The following SLC8A1 variants were observed in gnomAD, a reference collection of about 807,000 sequenced individuals.
The protein encoded by SLC8A1 is solute carrier family 8 member A1.
Under a neutral mutation model 68.3 loss-of-function variants are expected in SLC8A1, and 18 were observed. That is an observed-to-expected ratio of 0.26 (90% confidence interval 0.18 to 0.39). The LOEUF (loss-of-function observed/expected upper bound fraction) is 0.39, where lower values mean the gene tolerates loss of function less well. SLC8A1 is among the 10% of genes least tolerant of loss of function. The pLI, the probability that SLC8A1 is intolerant of heterozygous loss-of-function variation, is 1.00. For synonymous variants in SLC8A1, 475 were observed against 415.5 expected, an observed-to-expected ratio of 1.14 and a Z score of -1.74; for missense variants, 985 against 1,156.7, an observed-to-expected ratio of 0.85 and a Z score of 2.15.
At chr2:40,401,128 A>G (rs1222017324) in intron 2 of SLC8A1, among the ~76,000 whole-genome samples, 2 of 152,180 alleles carry the variant, frequency 1.3e-5, no homozygotes, top group African/African-American at 2.4e-5. Context: ...TAAGGGAAAA[A>G]CCTGATTGCA....
intron 1 of SLC8A1, among the ~76,000 whole-genome samples, chr2:40,475,765 T>G (rs1704264920): frequency 1.3e-5 from 2 of 152,006 alleles, no homozygotes; most frequent in South Asian, 4.1e-4. Flanking sequence ...AAATCACACT[T>G]TTGAGAACTT....
intron 2 of SLC8A1, among the ~76,000 whole-genome samples, chr2:40,246,643 G>T (rs937256550): frequency 1.3e-5 from 2 of 152,154 alleles, no homozygotes; most frequent in African/African-American, 4.8e-5. Flanking sequence ...CCTCCAAACA[G>T]ACCTTTCATA....
intron 2 of SLC8A1, among the ~76,000 whole-genome samples, chr2:40,308,393 T>C (rs2073057989): frequency 6.6e-6 from 1 of 152,102 alleles, no homozygotes; most frequent in African/African-American, 2.4e-5. Flanking sequence ...TCAGATCTGA[T>C]TCGAGGGACA....
intron 2 of SLC8A1, among the ~76,000 whole-genome samples, chr2:40,312,637 C>G (rs1310009157): frequency 6.6e-6 from 1 of 152,036 alleles, no homozygotes; most frequent in Non-Finnish European, 1.5e-5. Flanking sequence ...GGATGGACTT[C>G]TGATTCTAAA....
intron 2 of SLC8A1, among the ~76,000 whole-genome samples, chr2:40,381,991 C>T (rs112255416): frequency 6.6e-5 from 10 of 152,122 alleles, no homozygotes; most frequent in Admixed American, 3.9e-4. Context: ...CCTATCTCCT[C>T]GGCTGCAGCA....
chr2:40,275,776 AGGCAGGGCACAAG>A (rs1178698737), intron 2 of SLC8A1, among the ~76,000 whole-genome samples: 3 of 152,196 alleles, frequency 2.0e-5, no homozygotes, highest in Admixed American at 2.0e-4. Context: ...TACTATAATG[AGGCAGGGCACAAG>A]GCAGCACTGA....
chr2:40,407,252 G>A (rs1456548699), intron 2 of SLC8A1, among the ~76,000 whole-genome samples: 1 of 152,164 alleles, frequency 6.6e-6, no homozygotes, highest in Non-Finnish European at 1.5e-5. Context: ...TTTTAGTAGA[G>A]ACAGGGTTTC....
At chr2:40,284,444 T>A (rs1262154824) in intron 2 of SLC8A1, among the ~76,000 whole-genome samples, 5 of 147,196 alleles carry the variant, frequency 3.4e-5, no homozygotes, top group Non-Finnish European at 7.5e-5. Context: ...TATCTATATA[T>A]AAATGTATAT....
At chr2:40,179,828 C>T (rs2049123466) in intron 2 of SLC8A1, among the ~76,000 whole-genome samples, 1 of 152,168 alleles carries the variant, frequency 6.6e-6, no homozygotes. Context: ...GTAGAAGATG[C>T]TTTTAATTCT....
intron 2 of SLC8A1, among the ~76,000 whole-genome samples, chr2:40,417,591 C>T (rs1694257880): frequency 1.3e-5 from 2 of 152,228 alleles, no homozygotes; most frequent in South Asian, 4.2e-4. Flanking sequence ...TCACTGCAAC[C>T]TAGACCTCTC....
At chr2:40,331,143 T>C (rs1208683533) in intron 2 of SLC8A1, among the ~76,000 whole-genome samples, 3 of 152,166 alleles carry the variant, frequency 2.0e-5, no homozygotes, top group Non-Finnish European at 2.9e-5. Context: ...TTATCTATGG[T>C]ATGAGATTGT....
At chr2:40,358,321 G>T (rs1296495294) in intron 2 of SLC8A1, among the ~76,000 whole-genome samples, 1 of 150,100 alleles carries the variant, frequency 6.7e-6, no homozygotes, top group Non-Finnish European at 1.5e-5. Context: ...GTTTAAATAT[G>T]TTCTAAAAAA....
At chr2:40,390,662 A>G (rs563649122) in intron 2 of SLC8A1, among the ~76,000 whole-genome samples, 5 of 152,196 alleles carry the variant, frequency 3.3e-5, no homozygotes, top group East Asian at 1.9e-4. Flanking sequence ...TGCTGTTGAA[A>G]TGTGCCATTT....
At chr2:40,204,652 T>C (rs889100940) in intron 2 of SLC8A1, among the ~76,000 whole-genome samples, 7 of 152,102 alleles carry the variant, frequency 4.6e-5, no homozygotes, top group East Asian at 3.9e-4. Flanking sequence ...TTACTTTGAA[T>C]AGGTCAGACA....
At position 40,501,817 on chromosome 2, in the gene SLC8A1, C is replaced by T. The variant is rs537627486; in HGVS notation, c.-25+10532G>A. Among the ~76,000 whole-genome samples, 32 of 152,154 alleles carry T rather than the reference C, an allele frequency of 2.1e-4. No homozygotes were observed. In the South Asian group the frequency reaches 6.0e-3, roughly 29 times the overall value. On this transcript the variant is annotated intron_variant, in intron 1 of 7. Transcript: ENST00000402441. Reference sequence around the variant, plus strand: ...TATGTGGGACCTGACAAAAGCTTTACAACAAGAATATGTCATCTCCCTGTG... The same window carrying T: ...TATGTGGGACCTGACAAAAGCTTTATAACAAGAATATGTCATCTCCCTGTG...
chr2:40,425,867 C>T (rs1032988038), intron 2 of SLC8A1, among the ~76,000 whole-genome samples: 1 of 151,934 alleles, frequency 6.6e-6, no homozygotes, highest in Admixed American at 6.6e-5. Context: ...CCAGCAATCC[C>T]ATTACTGGGT....
At chr2:40,291,225 C>T (rs1270792242) in intron 2 of SLC8A1, among the ~76,000 whole-genome samples, 1 of 152,140 alleles carries the variant, frequency 6.6e-6, no homozygotes, top group Non-Finnish European at 1.5e-5. Context: ...CTCAAACAAA[C>T]TTTCCAGTCT....
chr2:40,353,811 T>C (rs2149453763), intron 2 of SLC8A1, among the ~76,000 whole-genome samples: 1 of 152,320 alleles, frequency 6.6e-6, no homozygotes, highest in East Asian at 1.9e-4. Flanking sequence ...CTACCATCCT[T>C]CTACCTGCAC....
At chr2:40,433,885 T>C (rs1698882512) in intron 1 of SLC8A1, among the ~76,000 whole-genome samples, 1 of 152,170 alleles carries the variant, frequency 6.6e-6, no homozygotes, top group South Asian at 2.1e-4. Context: ...AGCAAAAGTC[T>C]TGTGGAAGGT....
Sources: gnomAD v4.1 joint callset for allele counts (sites outside exome capture counted in the v4.1 genomes callset) on GRCh38, gnomAD v4.1.1 for gene constraint, MANE v1.5 for transcripts, NCBI Gene and HGNC (gene_info 2026-07-23, HGNC 2026-07-21) for gene names.